The following PIBF1 variants were observed in gnomAD, a reference collection of about 807,000 sequenced individuals.
PIBF1 encodes the protein progesterone-induced-blocking factor 1.
A neutral mutation model predicts 112.5 loss-of-function variants in PIBF1; 90 were observed. The ratio of observed to expected loss-of-function variants is 0.80; its 90% CI spans 0.67 to 0.95. The LOEUF (loss-of-function observed/expected upper bound fraction) is 0.95, where lower values mean the gene tolerates loss of function less well. Among genes scored for constraint, PIBF1 ranks in the 40% least tolerant of loss-of-function variants. The pLI is 0.00. For missense variants in PIBF1, 915 were observed against 852.3 expected, an observed-to-expected ratio of 1.07 and a Z score of -0.92; for synonymous variants, 301 against 288.6, an observed-to-expected ratio of 1.04 and a Z score of -0.44.
At chr13:72,810,632 T>G (rs1242864051) in intron 5 of PIBF1, among the ~76,000 whole-genome samples, 1 of 152,210 alleles carries the variant, frequency 6.6e-6, no homozygotes, top group Non-Finnish European at 1.5e-5. Context: ...TTCTGAGATT[T>G]CTTTTTATCT....
rs560191849 is a variant in PIBF1 at position 72,851,949 on chromosome 13, G to A, written c.1224-2108G>A. Among the ~76,000 whole-genome samples the A allele has an allele frequency of 9.2e-5, 14 of 152,296 alleles. No individual in the cohort carries two copies. The East Asian group carries it at 2.7e-3, about 30-fold the overall frequency. Reference sequence around the variant, plus strand: ...TCTCCTCTCAGCCAAGAGCTGAGCAGACAGTGGGATGGCCTGCCTGCAGTT... The same window carrying A: ...TCTCCTCTCAGCCAAGAGCTGAGCAAACAGTGGGATGGCCTGCCTGCAGTT... On this transcript the variant is annotated intron_variant, in intron 9 of 17. Transcript: ENST00000326291.
intron 10 of PIBF1, among the ~76,000 whole-genome samples, chr13:72,874,321 T>A (rs1013434211): frequency 6.6e-6 from 1 of 152,214 alleles, no homozygotes; most frequent in African/African-American, 2.4e-5. Context: ...AGCTGCTATA[T>A]TTCTAATGTC....
chr13:72,906,135 GAA>G (rs2040696288), intron 11 of PIBF1, among the ~76,000 whole-genome samples: 2 of 152,022 alleles, frequency 1.3e-5, no homozygotes, highest in Non-Finnish European at 2.9e-5. Context: ...AATTTATAGA[GAA>G]ATAATTTCAT....
chr13:72,789,725 A>AT (rs573665184), intron 2 of PIBF1, among the ~76,000 whole-genome samples: 10 of 148,358 alleles, frequency 6.7e-5, no homozygotes, highest in South Asian at 2.1e-4. Flanking sequence ...CAGATTTTTG[A>AT]TTTTTTTTTT....
intron 10 of PIBF1, among the ~76,000 whole-genome samples, chr13:72,854,440 CCTT>C (rs1374574954): frequency 6.6e-6 from 1 of 152,110 alleles, no homozygotes; most frequent in South Asian, 2.1e-4. Flanking sequence ...GCCCTTCAGT[CCTT>C]CTTAACTGCT....
intron 13 of PIBF1, among the ~76,000 whole-genome samples, chr13:72,928,026 CATATATATATATATAT>C (rs67144729): frequency 8.4e-6 from 1 of 118,630 alleles, no homozygotes; most frequent in African/African-American, 3.6e-5. Context: ...CATATATATA[CATATATATATATATAT>C]ATACATATAT....
At chr13:73,015,785 C>G (rs2044365372) in intron 17 of PIBF1, 84 bp from the exon 18 acceptor site, 1 of 618,144 alleles carries the variant, frequency 1.6e-6, no homozygotes, top group East Asian at 3.2e-5. Context: ...ATAAAAAAAC[C>G]TCAATGTATA....
At chr13:72,861,720 C>T (rs2038706205) in intron 10 of PIBF1, among the ~76,000 whole-genome samples, 1 of 152,080 alleles carries the variant, frequency 6.6e-6, no homozygotes, top group Admixed American at 6.6e-5. Flanking sequence ...TGTGTGCCAC[C>T]ACACCTGGCT....
At chr13:72,974,320 T>A (rs1422185104) in intron 16 of PIBF1, 2 of 152,284 alleles carry the variant, frequency 1.3e-5, no homozygotes, top group East Asian at 3.9e-4. Context: ...ATAGAATAGT[T>A]CTATTACTCC....
At chr13:72,935,208 A>G (rs1594228755) in intron 14 of PIBF1, among the ~76,000 whole-genome samples, 1 of 151,906 alleles carries the variant, frequency 6.6e-6, no homozygotes, top group East Asian at 1.9e-4. Flanking sequence ...CTGGTCTCGA[A>G]CTCCTGACCT....
intron 8 of PIBF1, among the ~76,000 whole-genome samples, chr13:72,833,219 C>T (rs2037202674): frequency 6.6e-6 from 1 of 152,126 alleles, no homozygotes; most frequent in Non-Finnish European, 1.5e-5. Flanking sequence ...GAACATGCTC[C>T]TTTAGCTTGG....
chr13:72,946,506 C>G (rs1188996842), intron 14 of PIBF1, among the ~76,000 whole-genome samples: 1 of 152,110 alleles, frequency 6.6e-6, no homozygotes, highest in Non-Finnish European at 1.5e-5. Context: ...CAACAGTTCC[C>G]CAAAGTCTTA....
At chr13:72,859,854 A>G (rs1398904038) in intron 10 of PIBF1, among the ~76,000 whole-genome samples, 1 of 152,208 alleles carries the variant, frequency 6.6e-6, no homozygotes, top group Non-Finnish European at 1.5e-5. Flanking sequence ...AAAGGTCTTC[A>G]GAGGAATATG....
At chr13:72,875,308 A>G (rs2039349757) in intron 10 of PIBF1, among the ~76,000 whole-genome samples, 1 of 152,172 alleles carries the variant, frequency 6.6e-6, no homozygotes, top group Non-Finnish European at 1.5e-5. Flanking sequence ...CACCTACTGA[A>G]GGACATCTTG....
At chr13:72,818,034 G>A (rs1426291984) in intron 5 of PIBF1, among the ~76,000 whole-genome samples, 2 of 150,568 alleles carry the variant, frequency 1.3e-5, no homozygotes, top group Admixed American at 1.3e-4. Flanking sequence ...ACTTGCATAT[G>A]GTGTTTATAT....
intron 14 of PIBF1, among the ~76,000 whole-genome samples, chr13:72,942,000 A>G (rs1209044461): frequency 2.0e-5 from 3 of 152,208 alleles, no homozygotes; most frequent in African/African-American, 4.8e-5. Context: ...TTATTGGTAT[A>G]AAGTAAGTAC....
In PIBF1 at chr13:72,827,780, A is replaced by G. The variant is rs1490246914; in HGVS notation, c.963A>G (p.Glu321=). 6.2e-7 allele frequency: 1 copy of G among 1,601,452 alleles called. No homozygotes were observed. The highest frequency in any genetic ancestry group is 2.3e-5 in the East Asian group (1 of 44,366). The change falls in exon 8 of 18, where the codon GAA becomes GAG. Residue 321 remains glutamate (E), a synonymous_variant. Transcript: ENST00000326291. ...QTVTLLQKDK[E]YLNRQNMELS... ...TTACTTTACTGCAAAAGGATAAAGA[A>G]TATCTTAATCGCCAAAACATGGAGC...
intron 16 of PIBF1, among the ~76,000 whole-genome samples, chr13:72,979,207 G>A (rs1421590478): frequency 2.0e-5 from 3 of 152,148 alleles, no homozygotes; most frequent in African/African-American, 7.2e-5. Context: ...AAAGAGAAAT[G>A]TGACTCCTTA....
chr13:72,927,701 T>G (rs899718199), intron 13 of PIBF1, among the ~76,000 whole-genome samples: 1 of 151,804 alleles, frequency 6.6e-6, no homozygotes, highest in African/African-American at 2.4e-5. Flanking sequence ...AAAACAGTTA[T>G]ATTTCTTGTT....
Sources: gnomAD v4.1 joint callset for allele counts (sites outside exome capture counted in the v4.1 genomes callset) on GRCh38, gnomAD v4.1.1 for gene constraint, MANE v1.5 for transcripts, NCBI Gene and HGNC (gene_info 2026-07-23, HGNC 2026-07-21) for gene names.